LAMA2: variants seen among roughly 807,000 people sequenced by gnomAD.
The protein encoded by LAMA2 is laminin subunit alpha-2.
LAMA2 carries 269 observed loss-of-function variants against 364.8 expected under a neutral mutation model. That is an observed-to-expected ratio of 0.74 (90% CI 0.67 to 0.82). LAMA2 has a LOEUF of 0.82. Among genes scored for constraint, LAMA2 ranks in the 40% least tolerant of loss-of-function variants. LAMA2 has a pLI of 0.00. For synonymous variants in LAMA2, 1,379 were observed against 1,370.6 expected (o/e 1.01, Z -0.14); for missense variants, 3,807 against 3,873.2 (o/e 0.98, Z 0.45).
Position 129,315,846 on chromosome 6 carries a change from G to T in LAMA2, c.3820G>T (p.Val1274Leu). 1 of 1,613,980 alleles carries T rather than the reference G, an allele frequency of 6.2e-7. No individual in the cohort carries two copies. Among genetic ancestry groups the T allele is most frequent in the Non-Finnish European group, 8.5e-7 (1 of 1,179,902 alleles). ...AGGTTTCTCTACATATAATCCTCAA[G>T]TGATCATTCGAGGTGGGACACCTAC... ...ETGFSTYNPQ[V>L]IIRGGTPTHA... Residue 1274 changes from valine (V) to leucine (L), a missense_variant, in exon 26 of 65, where the codon GTG becomes TTG. Physicochemically the swap from Val to Leu is conservative, Grantham distance 32. This residue lies in a region of LAMA2 where 3,333 missense variants were observed against 3,345.7 expected (regional missense o/e 1.00). Transcript: ENST00000421865.
intron 8 of LAMA2, chr6:129,157,717 C>G: frequency 6.2e-7 from 1 of 1,612,088 alleles, no homozygotes. Flanking sequence ...TCACGCATAT[C>G]TTCGTATGAC....
At position 128,921,979 on chromosome 6, in the gene LAMA2, T is replaced by C. The variant is rs151043309; in HGVS notation, c.112+38622T>C. 8.0e-3 allele frequency among the ~76,000 whole-genome samples: 1,210 copies of C among 151,830 alleles called. 14 individuals are homozygous for C. The highest frequency in any genetic ancestry group is 0.027 in the African/African-American group (1,110 of 41,354). On this transcript the variant is annotated intron_variant, in intron 1 of 64. Coordinates refer to ENST00000421865, the MANE Select transcript of LAMA2 (RefSeq NM_000426.4). ...GGTGTTTGGTTTTTTGTCCTTGTGA[T>C]AGTTTACTGAGAATGATGATTTCCA...
chr6:129,460,039 C>T (rs112569831), intron 48 of LAMA2, among the ~76,000 whole-genome samples, 161 bp from the exon 49 acceptor site: 2 of 151,996 alleles, frequency 1.3e-5, no homozygotes, highest in African/African-American at 2.4e-5. Flanking sequence ...TCTAAGGATA[C>T]GGACAGACTA....
intron 12 of LAMA2, among the ~76,000 whole-genome samples, chr6:129,204,694 G>A (rs1410945602): frequency 6.6e-6 from 1 of 151,924 alleles, no homozygotes; most frequent in Non-Finnish European, 1.5e-5. Context: ...CCCAGTCTAT[G>A]GTATTTTATT....
At chr6:129,355,881 A>C (rs537201394) in intron 32 of LAMA2, among the ~76,000 whole-genome samples, 4 of 152,326 alleles carry the variant, frequency 2.6e-5, no homozygotes, top group African/African-American at 9.6e-5. Context: ...ACAGAAATGC[A>C]TGATAAATGA....
intron 22 of LAMA2, among the ~76,000 whole-genome samples, chr6:129,303,415 TC>T (rs1773670735): frequency 6.6e-6 from 1 of 152,194 alleles, no homozygotes; most frequent in African/African-American, 2.4e-5. Flanking sequence ...CTGTGTAACT[TC>T]TGTGGCATTT....
chr6:128,952,563 T>C (rs1040424361), intron 1 of LAMA2, among the ~76,000 whole-genome samples: 4 of 152,152 alleles, frequency 2.6e-5, no homozygotes, highest in Non-Finnish European at 5.9e-5. Context: ...CAGAAAGCAA[T>C]TTCATCTATA....
chr6:129,419,742 G>A (rs1780980041), intron 40 of LAMA2, among the ~76,000 whole-genome samples: 1 of 152,060 alleles, frequency 6.6e-6, no homozygotes, highest in Non-Finnish European at 1.5e-5. Flanking sequence ...TGAGTGCTCA[G>A]CTGCTTTCAA....
intron 1 of LAMA2, among the ~76,000 whole-genome samples, chr6:129,030,905 G>A (rs1266857543): frequency 6.6e-6 from 1 of 151,942 alleles, no homozygotes; most frequent in Admixed American, 6.6e-5. Flanking sequence ...TGCCTTCAAG[G>A]AACTTAGAGT....
intron 35 of LAMA2, among the ~76,000 whole-genome samples, chr6:129,390,109 T>C (rs927412667): frequency 6.6e-6 from 1 of 152,126 alleles, no homozygotes; most frequent in African/African-American, 2.4e-5. Flanking sequence ...AAAGATGCAT[T>C]GTGGAAAGGG....
In LAMA2 at chr6:129,420,062, A is replaced by G. The variant is rs186748300; in HGVS notation, c.5866-7690A>G. Among the ~76,000 whole-genome samples the G allele has an allele frequency of 1.1e-4, 16 of 152,230 alleles. No individual in the cohort carries two copies. In the East Asian group the frequency reaches 2.9e-3, roughly 28 times the overall value. On this transcript the variant is annotated intron_variant, in intron 40 of 64. Coordinates refer to ENST00000421865, the MANE Select transcript of LAMA2 (RefSeq NM_000426.4). ...GAAATACAGAAAAGCAAGAAGAAGA[A>G]AATATAAAATGTGCATACGAGTAAT...
intron 52 of LAMA2, among the ~76,000 whole-genome samples, chr6:129,474,846 C>T (rs1356518298): frequency 6.6e-6 from 1 of 152,124 alleles, no homozygotes; most frequent in Non-Finnish European, 1.5e-5. Context: ...TGCATAATTA[C>T]AGTATACTAT....
chr6:129,265,722 G>T (rs1375889503), intron 15 of LAMA2, among the ~76,000 whole-genome samples: 26 of 151,758 alleles, frequency 1.7e-4, no homozygotes, highest in Admixed American at 1.3e-3. Flanking sequence ...TCGGAGGGTG[G>T]GGGGCTAGGG....
At chr6:129,308,447 T>A (rs1050147132) in intron 22 of LAMA2, among the ~76,000 whole-genome samples, 1 of 152,212 alleles carries the variant, frequency 6.6e-6, no homozygotes. Flanking sequence ...ATGTTCAAGA[T>A]ATAAATCAGG....
intron 1 of LAMA2, among the ~76,000 whole-genome samples, chr6:129,048,358 A>T (rs1787687742): frequency 6.6e-6 from 1 of 152,168 alleles, no homozygotes; most frequent in African/African-American, 2.4e-5. Flanking sequence ...TTGGTAAAAA[A>T]GGCAGAAAAC....
At chr6:129,506,189 C>T (rs1786059704) in intron 61 of LAMA2, among the ~76,000 whole-genome samples, 1 of 151,428 alleles carries the variant, frequency 6.6e-6, no homozygotes, top group Non-Finnish European at 1.5e-5. Context: ...CCTGTCTCTA[C>T]AAAAATACAA....
intron 35 of LAMA2, among the ~76,000 whole-genome samples, chr6:129,384,480 A>G (rs1354699120): frequency 6.6e-6 from 1 of 152,222 alleles, no homozygotes; most frequent in Non-Finnish European, 1.5e-5. Context: ...AAACACTGGT[A>G]TGAGAATAAA....
At chr6:129,034,767 C>T (rs9492204) in intron 1 of LAMA2, among the ~76,000 whole-genome samples, 3,767 of 152,128 alleles carry the variant, frequency 0.025, 143 homozygotes, top group African/African-American at 0.087. Flanking sequence ...GGATAATGGC[C>T]TCCAGCTCCA....
At chr6:129,400,650 T>G (rs1301792391) in intron 37 of LAMA2, among the ~76,000 whole-genome samples, 2 of 152,268 alleles carry the variant, frequency 1.3e-5, no homozygotes, top group Non-Finnish European at 2.9e-5. Context: ...TTGAGTTTCA[T>G]GTACTTTTGA....
Sources: allele counts gnomAD v4.1 joint callset (sites outside exome capture counted in the v4.1 genomes callset), GRCh38; gene constraint gnomAD v4.1.1; regional missense constraint gnomAD v4.1.1; transcripts MANE v1.5; gene names NCBI Gene and HGNC (gene_info 2026-07-23, HGNC 2026-07-21).